The following TXNDC16 variants were observed in gnomAD, a reference collection of about 807,000 sequenced individuals.
The protein encoded by TXNDC16 is thioredoxin domain-containing protein 16.
Under a neutral mutation model 85.6 loss-of-function variants are expected in TXNDC16, and 74 were observed. That is an observed-to-expected ratio of 0.86 (90% CI 0.72 to 1.05). The LOEUF (loss-of-function observed/expected upper bound fraction) is 1.05, where lower values mean the gene tolerates loss of function less well. TXNDC16 is among the 50% of genes least tolerant of loss of function. The pLI is 0.00. For synonymous variants in TXNDC16, 335 were observed against 326.5 expected, an observed-to-expected ratio of 1.03 and a Z score of -0.28; for missense variants, 959 against 947.0, an observed-to-expected ratio of 1.01 and a Z score of -0.17.
chr14:52,524,109 A>G (rs532484799), intron 6 of TXNDC16, among the ~76,000 whole-genome samples: 1 of 152,382 alleles, frequency 6.6e-6, no homozygotes, highest in East Asian at 1.9e-4. Flanking sequence ...AAGAATGAGC[A>G]ATCGCTCAAT....
chr14:52,515,999 T>C (rs1360109712), intron 7 of TXNDC16, among the ~76,000 whole-genome samples: 1 of 152,158 alleles, frequency 6.6e-6, no homozygotes, highest in African/African-American at 2.4e-5. Flanking sequence ...TGTTTTTCTT[T>C]TCTAATTTCT....
At chr14:52,438,529 C>A (rs10142458) in intron 20 of TXNDC16, among the ~76,000 whole-genome samples, 2 of 152,188 alleles carry the variant, frequency 1.3e-5, no homozygotes, top group East Asian at 1.9e-4. Flanking sequence ...ACGGTAAAAA[C>A]ATTTTTTAGA....
At chr14:52,452,244 GTTC>G (rs2035429077) in intron 18 of TXNDC16, among the ~76,000 whole-genome samples, 1 of 152,126 alleles carries the variant, frequency 6.6e-6, no homozygotes, top group Non-Finnish European at 1.5e-5. Flanking sequence ...TTGTTAAAAT[GTTC>G]TTAATACCCA....
intron 6 of TXNDC16, among the ~76,000 whole-genome samples, chr14:52,531,099 G>C (rs1594759511): frequency 6.6e-6 from 1 of 151,946 alleles, no homozygotes; most frequent in Non-Finnish European, 1.5e-5. Context: ...AGTCATCAGG[G>C]AAATGCAAAT....
At chr14:52,506,808 G>A (rs1309588822) in intron 9 of TXNDC16, among the ~76,000 whole-genome samples, 4 of 143,368 alleles carry the variant, frequency 2.8e-5, no homozygotes, top group East Asian at 2.2e-4. Context: ...CACCCGCCTC[G>A]GCCTCCCAAA....
At chr14:52,502,918 G>A (rs1046057370) in intron 9 of TXNDC16, among the ~76,000 whole-genome samples, 4 of 152,226 alleles carry the variant, frequency 2.6e-5, no homozygotes, top group African/African-American at 9.6e-5. Flanking sequence ...TGGCACACAA[G>A]GAGATTATAT....
In TXNDC16 at chr14:52,552,484, A is replaced by T. The variant is rs1011504373; in HGVS notation, c.-350T>A. On this transcript the variant is annotated 5_prime_UTR_variant, in exon 1 of 21. Transcript: ENST00000281741. ...CAAAGGCGTAGCACTTCTCCCTCCC[A>T]GCCTGCAGCCGCCACCGACTCGGCG... 1 of 152,312 alleles carries T rather than the reference A, an allele frequency of 6.6e-6. No individual in the cohort carries two copies. Among genetic ancestry groups the T allele is most frequent in the Non-Finnish European group, 1.5e-5 (1 of 68,120 alleles). 9.4% of individuals were successfully genotyped at this position (152,312 alleles called of 1,614,324 possible).
intron 6 of TXNDC16, among the ~76,000 whole-genome samples, chr14:52,530,618 T>G (rs2080584678): frequency 1.2e-5 from 1 of 80,218 alleles, no homozygotes; most frequent in South Asian, 3.0e-4. Flanking sequence ...TATATATATG[T>G]GTGTGTATAT....
chr14:52,516,834 T>A (rs2140189418), intron 7 of TXNDC16, among the ~76,000 whole-genome samples: 1 of 152,222 alleles, frequency 6.6e-6, no homozygotes, highest in East Asian at 1.9e-4. Flanking sequence ...CCAGCCAGGA[T>A]CACTTCCCGT....
At chr14:52,475,546 G>A (rs939015528) in intron 14 of TXNDC16, among the ~76,000 whole-genome samples, 2 of 152,046 alleles carry the variant, frequency 1.3e-5, no homozygotes, top group African/African-American at 4.8e-5. Flanking sequence ...GTGACTGCCG[G>A]CTTTCCTCCA....
At chr14:52,482,341 T>A (rs1489813718) in intron 13 of TXNDC16, 52 bp from the exon 14 acceptor site, 2 of 1,421,254 alleles carry the variant, frequency 1.4e-6, no homozygotes, top group East Asian at 4.6e-5. Flanking sequence ...CTACAAAGCA[T>A]CCACACTGAT....
intron 9 of TXNDC16, among the ~76,000 whole-genome samples, chr14:52,506,457 G>A (rs1251672265): frequency 2.1e-5 from 3 of 141,010 alleles, no homozygotes; most frequent in Non-Finnish European, 4.6e-5. Context: ...CATATAAACA[G>A]AACCAACGAC....
At chr14:52,532,771 T>C (rs1386386133) in intron 6 of TXNDC16, among the ~76,000 whole-genome samples, 1 of 151,580 alleles carries the variant, frequency 6.6e-6, no homozygotes, top group African/African-American at 2.4e-5. Flanking sequence ...TATGCAACTG[T>C]AAGAGTACAA....
chr14:52,453,670 G>A (rs2035463205), intron 18 of TXNDC16, among the ~76,000 whole-genome samples: 1 of 152,182 alleles, frequency 6.6e-6, no homozygotes, highest in Admixed American at 6.5e-5. Flanking sequence ...ATGGTTACCA[G>A]AAGCTGGGAA....
In TXNDC16 at chr14:52,455,404, T is replaced by C. The variant is rs1477050924; in HGVS notation, c.1762A>G (p.Lys588Glu). ...CTAGCTAGTGGGATGCTCTCTATTT[T>C]GCCTTCTGTGTGTCTGGCAAGCAGC... Reference protein sequence around the residue: ...ALLLARHTEGKIESIPLASTH... With the variant: ...ALLLARHTEGEIESIPLASTH... The change falls in exon 18 of 21, where the codon AAA (lysine) becomes GAA (glutamate). Residue 588 changes from lysine to glutamate, a missense_variant. Transcript: ENST00000281741. 6.2e-7 allele frequency: 1 copy of C among 1,614,068 alleles called. No individual in the cohort carries two copies. The highest frequency in any genetic ancestry group is 1.7e-5 in the Admixed American group (1 of 59,998).
Position 52,488,386 on chromosome 14 carries a change from T to A in TXNDC16, c.1085A>T (p.Asn362Ile). The A allele has an allele frequency of 6.2e-7, 1 of 1,613,824 alleles. No homozygotes were observed. Among genetic ancestry groups the A allele is most frequent in the Non-Finnish European group, 8.5e-7 (1 of 1,179,810 alleles). ...ACCTATATCTGGACCTTCCATGTCA[T>A]TGTCTTCATCTTCTTGTATTTCCTC... ...HIEEIQEDEDNDMEGPDIDVQ... is the reference protein window; with the variant it reads ...HIEEIQEDEDIDMEGPDIDVQ... The change falls in exon 12 of 21, where the codon AAT (asparagine) becomes ATT (isoleucine). Residue 362 changes from asparagine (N) to isoleucine (I), a missense_variant. Physicochemically the swap from Asn to Ile is moderately radical, Grantham distance 149. Coordinates refer to ENST00000281741, the MANE Select transcript of TXNDC16 (RefSeq NM_020784.3).
intron 6 of TXNDC16, among the ~76,000 whole-genome samples, chr14:52,520,350 A>G (rs536875417): frequency 1.3e-5 from 2 of 152,326 alleles, no homozygotes; most frequent in Non-Finnish European, 2.9e-5. Flanking sequence ...CTGGCCGAGC[A>G]CAGTGGCTCA....
rs1359419071 is a variant in TXNDC16 at position 52,542,440 on chromosome 14, T to C, written c.174A>G (p.Thr58=). 2 of 1,611,884 alleles carry C rather than the reference T, an allele frequency of 1.2e-6. No individual in the cohort carries two copies. Residue 58 remains threonine (T), a synonymous_variant, in exon 4 of 21, where the codon ACA becomes ACG. Transcript: ENST00000281741. ...CATTCAGTTCTTCAAGAAATACAGA[T>C]GTTCTTGGGGAATCTAAAACAACAA... The part of the protein sequence containing the change: ...AYFCQADSPR[T]SVFLEELNEA...
chr14:52,472,860 C>G (rs1384147130), intron 14 of TXNDC16, among the ~76,000 whole-genome samples: 1 of 152,210 alleles, frequency 6.6e-6, no homozygotes, highest in East Asian at 1.9e-4. Context: ...CAAAGAGCAG[C>G]CTGCAAGCTG....
Sources: gnomAD v4.1 joint callset for allele counts (sites outside exome capture counted in the v4.1 genomes callset) on GRCh38, gnomAD v4.1.1 for gene constraint, MANE v1.5 for transcripts, NCBI Gene and HGNC (gene_info 2026-07-23, HGNC 2026-07-21) for gene names.